Variants in SHC4 observed in about 807,000 individuals in gnomAD.
SHC4 encodes SHC-transforming protein 4.
Under a neutral mutation model 69.4 loss-of-function variants are expected in SHC4, and 41 were observed. That is an observed-to-expected ratio of 0.59 (90% CI 0.46 to 0.77). The LOEUF (loss-of-function observed/expected upper bound fraction) is 0.77. Among genes scored for constraint, SHC4 ranks in the 30% least tolerant of loss-of-function variants. SHC4 has a pLI of 0.00. For missense variants in SHC4, 777 were observed against 783.8 expected, an observed-to-expected ratio of 0.99 and a Z score of 0.10; for synonymous variants, 318 against 299.3, an observed-to-expected ratio of 1.06 and a Z score of -0.64.
intron 1 of SHC4, among the ~76,000 whole-genome samples, chr15:48,945,321 G>GA (rs941370255): frequency 0.017 from 2,171 of 130,914 alleles, 28 homozygotes; most frequent in African/African-American, 0.052. Flanking sequence ...ATTTCCATCA[G>GA]AAAAAAAAAA....
Position 48,834,816 on chromosome 15 carries a change from G to T in SHC4, c.1690C>A (p.Gln564Lys). The T allele has an allele frequency of 1.9e-6, 3 of 1,614,188 alleles. No homozygotes were observed. Among genetic ancestry groups the T allele is most frequent in the Non-Finnish European group, 2.5e-6 (3 of 1,180,020 alleles). Residue 564 changes from glutamine to lysine, a missense_variant, in exon 11 of 12, where the codon CAG becomes AAG. Transcript: ENST00000332408. ...AGAAGATGTTTTGCTTGGCCTCCCT[G>T]TAGTCCACTCAGCACATATTGGCCA... ...SPGQYVLSGL[Q>K]GGQAKHLLLV...
intron 1 of SHC4, among the ~76,000 whole-genome samples, chr15:48,955,129 G>A (rs896412254): frequency 6.6e-6 from 1 of 152,152 alleles, no homozygotes; most frequent in African/African-American, 2.4e-5. Context: ...CCAGTACTCT[G>A]TCCCTTTGCG....
chr15:48,827,550 C>CTTCTGCCGCCA (rs1555431200), intron 11 of SHC4, among the ~76,000 whole-genome samples: 2 of 151,744 alleles, frequency 1.3e-5, no homozygotes, highest in Non-Finnish European at 2.9e-5. Flanking sequence ...CTTTGTATTT[C>CTTCTGCCGCCA]TTCTGCCTCA....
intron 1 of SHC4, among the ~76,000 whole-genome samples, chr15:48,948,687 C>T (rs1901315126): frequency 6.6e-6 from 1 of 151,940 alleles, no homozygotes; most frequent in Non-Finnish European, 1.5e-5. Context: ...AGGAGAATTA[C>T]TTGAGCCCTG....
intron 2 of SHC4, among the ~76,000 whole-genome samples, chr15:48,918,670 C>T (rs560846495): frequency 8.5e-5 from 13 of 152,210 alleles, no homozygotes; most frequent in African/African-American, 2.9e-4. Flanking sequence ...AAAGATCACC[C>T]TCTCTTTCAG....
intron 1 of SHC4, among the ~76,000 whole-genome samples, chr15:48,938,923 G>A (rs1901123987): frequency 6.6e-6 from 1 of 152,228 alleles, no homozygotes; most frequent in African/African-American, 2.4e-5. Context: ...CGTACTGGCT[G>A]TGAAACCTTG....
At chr15:48,889,567 G>A (rs1230548849) in intron 3 of SHC4, among the ~76,000 whole-genome samples, 1 of 152,188 alleles carries the variant, frequency 6.6e-6, no homozygotes, top group African/African-American at 2.4e-5. Context: ...CTTCTCCGCC[G>A]GGTGCGGTGG....
chr15:48,907,789 C>T (rs918062663), intron 2 of SHC4, among the ~76,000 whole-genome samples: 1 of 132,456 alleles, frequency 7.5e-6, no homozygotes, highest in Non-Finnish European at 1.6e-5. Context: ...TATATATACA[C>T]GGTCATAAAA....
At chr15:48,926,533 G>T (rs1900857603) in intron 1 of SHC4, among the ~76,000 whole-genome samples, 1 of 151,806 alleles carries the variant, frequency 6.6e-6, no homozygotes. Flanking sequence ...CACGATCTTG[G>T]CTCACTGCAA....
At chr15:48,841,809 G>A (rs77503953) in intron 10 of SHC4, among the ~76,000 whole-genome samples, 416 of 152,330 alleles carry the variant, frequency 2.7e-3, no homozygotes, top group Non-Finnish European at 4.6e-3. Flanking sequence ...AGGGTGTCAG[G>A]AGTGATCTTA....
chr15:48,851,242 T>C lies in SHC4; in HGVS notation c.1249A>G (p.Asn417Asp). The C allele has an allele frequency of 6.2e-7, 1 of 1,614,094 alleles. No individual in the cohort carries two copies. Reference protein sequence around the residue: ...QCEKLCYLPGNSKCSSVYENC... With the variant: ...QCEKLCYLPGDSKCSSVYENC... ...TCATATACACTGCTGCACTTGGAGTTTCCAGGCTGCATGAACAACAAATTA... is the reference window on the plus strand; with the variant it reads ...TCATATACACTGCTGCACTTGGAGTCTCCAGGCTGCATGAACAACAAATTA... The change falls in exon 9 of 12, where the codon AAC (asparagine) becomes GAC (aspartate). Residue 417 changes from asparagine (N) to aspartate (D), a missense_variant. Physicochemically the swap from Asn to Asp is conservative, Grantham distance 23 (BLOSUM62 1). Transcript: ENST00000332408.
intron 1 of SHC4, among the ~76,000 whole-genome samples, chr15:48,928,468 G>A (rs12439459): frequency 0.44 from 67,445 of 151,844 alleles, 15,926 homozygotes; most frequent in South Asian, 0.6. Context: ...GGGACAAACG[G>A]AAACAGCTGG....
chr15:48,932,236 C>T (rs1414851592), intron 1 of SHC4, among the ~76,000 whole-genome samples: 1 of 152,146 alleles, frequency 6.6e-6, no homozygotes, highest in Non-Finnish European at 1.5e-5. Context: ...TAAAGCAGAG[C>T]TTCCCAAACT....
intron 2 of SHC4, among the ~76,000 whole-genome samples, chr15:48,902,592 C>A (rs1233683136): frequency 6.6e-6 from 1 of 152,124 alleles, no homozygotes; most frequent in Admixed American, 6.6e-5. Flanking sequence ...GAGTTCCTTA[C>A]ACAGAAATTG....
intron 11 of SHC4, among the ~76,000 whole-genome samples, chr15:48,829,754 A>G (rs905594976): frequency 3.3e-5 from 5 of 152,142 alleles, no homozygotes; most frequent in Non-Finnish European, 7.3e-5. Flanking sequence ...CCTCGTCTCC[A>G]CTAAAAATAT....
At chr15:48,918,043 C>T (rs1900662888) in intron 2 of SHC4, among the ~76,000 whole-genome samples, 2 of 152,196 alleles carry the variant, frequency 1.3e-5, no homozygotes, top group South Asian at 2.1e-4. Context: ...GCGGTAATTA[C>T]TTACACCAGT....
At chr15:48,856,222 T>C (rs1899312522) in intron 7 of SHC4, 98 bp from the exon 8 acceptor site, 1 of 1,184,542 alleles carries the variant, frequency 8.4e-7, no homozygotes, top group East Asian at 2.4e-5. Context: ...CCTGAAAAAC[T>C]TTGCATTCAT....
intron 4 of SHC4, among the ~76,000 whole-genome samples, chr15:48,881,595 A>G (rs1429469071): frequency 1.3e-5 from 2 of 152,140 alleles, no homozygotes; most frequent in Admixed American, 6.6e-5. Context: ...GGATGTCTCA[A>G]TTTTTGCCTG....
At chr15:48,900,199 T>C (rs938025573) in intron 2 of SHC4, among the ~76,000 whole-genome samples, 5 of 152,118 alleles carry the variant, frequency 3.3e-5, no homozygotes, top group Admixed American at 2.0e-4. Context: ...TCCCCCATTC[T>C]CATCTCCTAA....
Sources: gnomAD v4.1 joint callset for allele counts (sites outside exome capture counted in the v4.1 genomes callset) on GRCh38, gnomAD v4.1.1 for gene constraint, MANE v1.5 for transcripts, NCBI Gene and HGNC (gene_info 2026-07-23, HGNC 2026-07-21) for gene names.